Variants in CCDC148 observed in about 807,000 individuals in gnomAD.
CCDC148 encodes coiled-coil domain containing 148, also known as coiled-coil domain-containing protein 148.
In CCDC148, 89 loss-of-function variants were observed where a neutral mutation model predicts 85.7. The observed-to-expected ratio is 1.04, with a 90% CI of 0.87 to 1.24. The LOEUF is 1.24. CCDC148 is among the 50% of genes most tolerant of loss of function. The pLI is 0.00. For synonymous variants in CCDC148, 230 were observed against 213.9 expected, an observed-to-expected ratio of 1.08 and a Z score of -0.66; for missense variants, 692 against 671.7, an observed-to-expected ratio of 1.03 and a Z score of -0.33.
intron 8 of CCDC148, 50 bp from the exon 9 acceptor site, chr2:158,309,689 C>T (rs768991907): frequency 1.6e-6 from 2 of 1,218,580 alleles, no homozygotes; most frequent in Admixed American, 2.3e-5. Context: ...AATGAGCTTA[C>T]ATTTTGCATC....
chr2:158,301,163 T>C (rs1055768415), intron 9 of CCDC148, among the ~76,000 whole-genome samples: 1 of 152,110 alleles, frequency 6.6e-6, no homozygotes, highest in Non-Finnish European at 1.5e-5. Context: ...CTGGCCTGAA[T>C]TGAATTTTAG....
At chr2:158,221,846 G>C (rs531699273) in intron 10 of CCDC148, among the ~76,000 whole-genome samples, 1 of 152,238 alleles carries the variant, frequency 6.6e-6, no homozygotes, top group South Asian at 2.1e-4. Context: ...GATTTAGAGA[G>C]AACAGAGATA....
chr2:158,362,454 G>A (rs1162289410), intron 1 of CCDC148, among the ~76,000 whole-genome samples: 1 of 151,864 alleles, frequency 6.6e-6, no homozygotes, highest in Non-Finnish European at 1.5e-5. Flanking sequence ...CAAAAGAATG[G>A]ATATTATAGC....
chr2:158,191,719 C>T (rs1685432480), intron 11 of CCDC148, among the ~76,000 whole-genome samples: 1 of 151,988 alleles, frequency 6.6e-6, no homozygotes, highest in Non-Finnish European at 1.5e-5. Flanking sequence ...GGTGACTCTG[C>T]CAAGTCACAC....
intron 9 of CCDC148, among the ~76,000 whole-genome samples, chr2:158,269,632 G>A (rs1470344533): frequency 3.3e-5 from 5 of 152,148 alleles, no homozygotes; most frequent in African/African-American, 4.8e-5. Context: ...TGGAAGAATA[G>A]TTATAAGGCA....
intron 9 of CCDC148, among the ~76,000 whole-genome samples, chr2:158,256,830 C>A (rs898988398): frequency 1.3e-5 from 2 of 151,694 alleles, no homozygotes; most frequent in Non-Finnish European, 2.9e-5. Context: ...AGATCAGATA[C>A]CTCTCTACTT....
At chr2:158,421,215 A>T (rs1001024827) in intron 1 of CCDC148, among the ~76,000 whole-genome samples, 1 of 152,206 alleles carries the variant, frequency 6.6e-6, no homozygotes, top group African/African-American at 2.4e-5. Flanking sequence ...CAGGAATTGA[A>T]CTCAGCTCTG....
chr2:158,281,261 A>G (rs1017543868), intron 9 of CCDC148, among the ~76,000 whole-genome samples: 1 of 152,148 alleles, frequency 6.6e-6, no homozygotes, highest in Non-Finnish European at 1.5e-5. Flanking sequence ...AGCAGAAGGC[A>G]AGAAATAACG....
At chr2:158,342,764 C>T (rs529955731) in intron 3 of CCDC148, among the ~76,000 whole-genome samples, 19 of 152,196 alleles carry the variant, frequency 1.2e-4, no homozygotes, top group Non-Finnish European at 2.6e-4. Context: ...TAGATTAATA[C>T]ATCATCTGGG....
intron 1 of CCDC148, among the ~76,000 whole-genome samples, chr2:158,435,520 A>G (rs538765443): frequency 6.6e-6 from 1 of 152,348 alleles, no homozygotes; most frequent in South Asian, 2.1e-4. Flanking sequence ...CCACTGCAAA[A>G]ACATGACAAA....
chr2:158,235,146 T>C (rs1302926490), intron 10 of CCDC148, among the ~76,000 whole-genome samples: 12 of 152,144 alleles, frequency 7.9e-5, no homozygotes, highest in Non-Finnish European at 1.6e-4. Flanking sequence ...AAAATAATAA[T>C]AGTAATAACT....
At chr2:158,330,756 G>C (rs1465074234) in intron 7 of CCDC148, among the ~76,000 whole-genome samples, 1 of 152,132 alleles carries the variant, frequency 6.6e-6, no homozygotes, top group Non-Finnish European at 1.5e-5. Context: ...ATGTGTTAAT[G>C]AATCTATCCA....
intron 2 of CCDC148, among the ~76,000 whole-genome samples, chr2:158,355,635 G>A (rs1290728539): frequency 6.8e-5 from 9 of 132,198 alleles, no homozygotes; most frequent in African/African-American, 1.2e-4. Flanking sequence ...AATCAATATC[G>A]TGAAAATGGC....
intron 1 of CCDC148, among the ~76,000 whole-genome samples, chr2:158,454,333 G>A (rs1460817822): frequency 6.6e-6 from 1 of 152,142 alleles, no homozygotes; most frequent in Non-Finnish European, 1.5e-5. Flanking sequence ...TGGAGGAGAG[G>A]GTGTAACACA....
intron 9 of CCDC148, among the ~76,000 whole-genome samples, chr2:158,308,094 T>A (rs1013391631): frequency 1.3e-5 from 2 of 152,234 alleles, no homozygotes; most frequent in African/African-American, 4.8e-5. Flanking sequence ...GATATCCCAA[T>A]CAAAACTTCA....
At chr2:158,202,253 G>A (rs1251041458) in intron 11 of CCDC148, among the ~76,000 whole-genome samples, 3 of 152,180 alleles carry the variant, frequency 2.0e-5, no homozygotes, top group East Asian at 3.8e-4. Context: ...ATTAACGTAT[G>A]TATCTTGAGG....
chr2:158,455,652 G>C (rs1116969), intron 1 of CCDC148, among the ~76,000 whole-genome samples: 30,251 of 151,760 alleles, frequency 0.2, 3,873 homozygotes, highest in Middle Eastern at 0.34. Flanking sequence ...CCTTACTAAA[G>C]AGATTAGTCT....
At chr2:158,366,221 C>T (rs1684196905) in intron 1 of CCDC148, 2 of 532,112 alleles carry the variant, frequency 3.8e-6, no homozygotes, top group African/African-American at 2.0e-5. Flanking sequence ...GCTTTTCTTG[C>T]CCCTAGAAGC....
At chr2:158,208,918 A>G (rs2105289792) in intron 11 of CCDC148, among the ~76,000 whole-genome samples, 1 of 152,270 alleles carries the variant, frequency 6.6e-6, no homozygotes, top group Non-Finnish European at 1.5e-5. Flanking sequence ...TTTCAAAATT[A>G]TATGACGCTG....
Sources: allele counts gnomAD v4.1 joint callset (sites outside exome capture counted in the v4.1 genomes callset), GRCh38; gene constraint gnomAD v4.1.1; transcripts MANE v1.5; gene names NCBI Gene and HGNC (gene_info 2026-07-23, HGNC 2026-07-21).